SETD2: variants seen among roughly 807,000 people sequenced by gnomAD.
SETD2 encodes histone-lysine N-methyltransferase SETD2.
Under a neutral mutation model 242.1 loss-of-function variants are expected in SETD2, and 31 were observed. That is an observed-to-expected ratio of 0.13 (90% CI 0.10 to 0.17). The LOEUF (loss-of-function observed/expected upper bound fraction) is 0.17. SETD2 is among the 10% of genes least tolerant of loss of function. The pLI is 1.00. For missense variants in SETD2, 2,481 were observed against 3,046.3 expected, an observed-to-expected ratio of 0.81 and a Z score of 4.37; for synonymous variants, 1,006 against 1,066.5, an observed-to-expected ratio of 0.94 and a Z score of 1.11.
intron 1 of SETD2, among the ~76,000 whole-genome samples, chr3:47,137,513 G>A (rs1370632293): frequency 6.6e-6 from 1 of 151,966 alleles, no homozygotes; most frequent in Non-Finnish European, 1.5e-5. Flanking sequence ...ATTACTATAA[G>A]AGTTGGTTGT....
intron 6 of SETD2, among the ~76,000 whole-genome samples, chr3:47,105,410 T>TAAAAAA (rs11391574): frequency 8.2e-6 from 1 of 122,626 alleles, no homozygotes; most frequent in Admixed American, 8.5e-5. Flanking sequence ...ACACTATCTC[T>TAAAAAA]AAAAAAAAAA....
At position 47,122,067 on chromosome 3, in the gene SETD2, C is replaced by G. The variant is rs767694898; in HGVS notation, c.2569G>C (p.Gly857Arg). The G allele has an allele frequency of 1.2e-6, 2 of 1,613,764 alleles. No individual in the cohort carries two copies. The highest frequency in any genetic ancestry group is 1.3e-5 in the African/African-American group (1 of 75,022). ...FACEEYKQSI[G>R]STSSASVNHF... ...TTAACAGAAGCTGAACTAGTGCTACCGATGCTCTGCTTATATTCTTCACAT... is the reference window on the plus strand; with the variant it reads ...TTAACAGAAGCTGAACTAGTGCTACGGATGCTCTGCTTATATTCTTCACAT... The change falls in exon 3 of 21, where the codon GGT (glycine) becomes CGT (arginine). Residue 857 changes from glycine (G) to arginine (R), a missense_variant. By Grantham distance (125) the Gly-to-Arg change is moderately radical. Coordinates refer to ENST00000409792, the MANE Select transcript of SETD2 (RefSeq NM_014159.7).
intron 17 of SETD2, among the ~76,000 whole-genome samples, chr3:47,038,641 A>T (rs899325631): frequency 3.9e-5 from 6 of 152,056 alleles, no homozygotes; most frequent in African/African-American, 1.4e-4. Flanking sequence ...AAAAAAACAA[A>T]AACTTGTACC....
chr3:47,123,112 G>T lies in SETD2; in HGVS notation c.1524C>A (p.Gly508=), dbSNP rs2106695661. The T allele has an allele frequency of 6.2e-7, 1 of 1,611,774 alleles. No homozygotes were observed. The highest frequency in any genetic ancestry group is 8.5e-7 in the Non-Finnish European group (1 of 1,178,020). The change falls in exon 3 of 21, where the codon GGC becomes GGA. Residue 508 remains glycine (G), a synonymous_variant. Transcript: ENST00000409792. ...CTCTTTCTAGTTTTGAAGAATACTT[G>T]CCTCTTCTTTCCATCTCTAAGTAAG... The part of the protein sequence containing the change: ...ETSYLEMERR[G]KYSSKLERES...
intron 18 of SETD2, among the ~76,000 whole-genome samples, chr3:47,024,936 T>C (rs570274644): frequency 1.8e-3 from 274 of 152,270 alleles, no homozygotes; most frequent in Non-Finnish European, 3.5e-3. Flanking sequence ...GGAACAACAA[T>C]GGATGGAAAA....
intron 14 of SETD2, among the ~76,000 whole-genome samples, chr3:47,061,162 G>C (rs2040315859): frequency 6.6e-6 from 1 of 152,104 alleles, no homozygotes; most frequent in Non-Finnish European, 1.5e-5. Context: ...AGCTTGCAGT[G>C]AGCCGAGATC....
chr3:47,059,408 G>A (rs550965852), intron 14 of SETD2, among the ~76,000 whole-genome samples: 5 of 151,018 alleles, frequency 3.3e-5, no homozygotes, highest in South Asian at 4.2e-4. Flanking sequence ...GAGCCACTGC[G>A]CTCGGCCGCA....
Position 47,098,161 on chromosome 3 carries a change from T to C in SETD2, c.5016-80A>G, listed in dbSNP as rs552349514. ...CTGTTGGCAATACACACAAAAGTCA[T>C]ACCAGTCTAAACAAAATCAAACAAA... On this transcript the variant is annotated intron_variant, in intron 8 of 20. Coordinates refer to ENST00000409792, the MANE Select transcript of SETD2 (RefSeq NM_014159.7). 3.8e-4 allele frequency: 564 copies of C among 1,472,310 alleles called. 2 individuals are homozygous for C. Among genetic ancestry groups the C allele is most frequent in the Admixed American group, 6.2e-4 (32 of 51,280 alleles). The allele number at this position is 1,472,310 out of a possible 1,614,324, so 91.2% of individuals were successfully genotyped here.
At chr3:47,154,653 T>C (rs2044083636) in intron 1 of SETD2, among the ~76,000 whole-genome samples, 1 of 152,124 alleles carries the variant, frequency 6.6e-6, no homozygotes, top group African/African-American at 2.4e-5. Flanking sequence ...AACATTTGTA[T>C]TGTCTGACCC....
chr3:47,088,536 G>A (rs1559707111), intron 9 of SETD2, among the ~76,000 whole-genome samples: 1 of 152,008 alleles, frequency 6.6e-6, no homozygotes, highest in Admixed American at 6.6e-5. Context: ...GATCTGCAAT[G>A]AGCCAAAACA....
Position 47,124,387 on chromosome 3 carries a change from A to T in SETD2, c.249T>A (p.Thr83=). 1 of 1,551,976 alleles carries T rather than the reference A, an allele frequency of 6.4e-7. No homozygotes were observed. The highest frequency in any genetic ancestry group is 8.7e-7 in the Non-Finnish European group (1 of 1,147,056). Residue 83 remains threonine (T), a synonymous_variant, in exon 3 of 21, where the codon ACT becomes ACA. Transcript: ENST00000409792. The part of the protein sequence containing the change: ...VSFSFSLTKK[T]LQNRFLTALG... ...GTGCAGTGAGAAACCTATTCTGCAA[A>T]GTTTTCTTTGTAAGGCTGAAGCTGA...
intron 15 of SETD2, among the ~76,000 whole-genome samples, chr3:47,051,545 T>C (rs1407910915): frequency 6.6e-6 from 1 of 152,186 alleles, no homozygotes; most frequent in African/African-American, 2.4e-5. Flanking sequence ...CAACCAAAAA[T>C]CCTTTTAAAG....
chr3:47,133,784 A>C (rs1255822956), intron 1 of SETD2, among the ~76,000 whole-genome samples: 7 of 152,088 alleles, frequency 4.6e-5, no homozygotes, highest in Non-Finnish European at 1.0e-4. Flanking sequence ...AGCTGGAAAA[A>C]CATTACCTCA....
chr3:47,130,993 A>T (rs1332443202), intron 1 of SETD2, among the ~76,000 whole-genome samples: 1 of 152,214 alleles, frequency 6.6e-6, no homozygotes, highest in Non-Finnish European at 1.5e-5. Context: ...AAAAAAAACC[A>T]ACCAACCAAT....
At chr3:47,143,749 C>T (rs954512390) in intron 1 of SETD2, among the ~76,000 whole-genome samples, 27 of 152,042 alleles carry the variant, frequency 1.8e-4, no homozygotes, top group Admixed American at 3.9e-4. Flanking sequence ...GTCTCGCTGT[C>T]GCCCAGGCTG....
At position 47,087,484 on chromosome 3, in the gene SETD2, C is replaced by A. The variant is rs748110276; in HGVS notation, c.5277+629G>T. Among the ~76,000 whole-genome samples, 126 of 152,216 alleles carry A rather than the reference C, an allele frequency of 8.3e-4. 1 individual carries two copies. The highest frequency in any genetic ancestry group is 1.6e-3 in the Non-Finnish European group (109 of 68,044). ...ATGAGAATCGAATGCCGCTGCTACT[C>A]TGACAGCAGGTGGAGCTCAGGCAGT... is the stretch of plus-strand genomic sequence containing the variant. On this transcript the variant is annotated intron_variant, in intron 10 of 20. Transcript: ENST00000409792.
At chr3:47,113,712 G>A (rs1193051125) in intron 5 of SETD2, among the ~76,000 whole-genome samples, 164 bp downstream of exon 5, 2 of 152,104 alleles carry the variant, frequency 1.3e-5, no homozygotes, top group African/African-American at 2.4e-5. Context: ...GGTGGCATGA[G>A]CCTGTAGTTC....
intron 18 of SETD2, among the ~76,000 whole-genome samples, chr3:47,025,221 A>C (rs957303671): frequency 6.6e-6 from 1 of 152,128 alleles, no homozygotes; most frequent in African/African-American, 2.4e-5. Flanking sequence ...GATCTTATCC[A>C]CCCAAGCTAA....
At chr3:47,036,915 A>AAAAAAAAAAAAAT (rs2039024868) in intron 18 of SETD2, among the ~76,000 whole-genome samples, 2 of 149,360 alleles carry the variant, frequency 1.3e-5, no homozygotes, top group East Asian at 2.0e-4. Flanking sequence ...TAAAAAAAAA[A>AAAAAAAAAAAAAT]GGCAAAGAGA....
Sources: allele counts gnomAD v4.1 joint callset (sites outside exome capture counted in the v4.1 genomes callset), GRCh38; gene constraint gnomAD v4.1.1; transcripts MANE v1.5; gene names NCBI Gene and HGNC (gene_info 2026-07-23, HGNC 2026-07-21).